Variants in DDX31 observed in about 807,000 individuals in gnomAD.
DDX31 encodes ATP-dependent DNA helicase DDX31.
Under a neutral mutation model 91.3 loss-of-function variants are expected in DDX31, and 70 were observed. The ratio of observed to expected loss-of-function variants is 0.77; its 90% CI spans 0.63 to 0.94. The LOEUF is 0.94. Ranked by LOEUF, DDX31 falls within the 40% of genes least tolerant of loss-of-function variation. The probability of loss-of-function intolerance (pLI) is 0.00; values close to 1 mark genes in which losing one functional copy is unlikely to be tolerated. For synonymous variants in DDX31, 362 were observed against 350.6 expected (o/e 1.03, Z -0.36); for missense variants, 902 against 925.0 (o/e 0.98, Z 0.32).
chr9:132,658,341 T>G, intron 6 of DDX31: 1 of 703,364 alleles, frequency 1.4e-6, no homozygotes, highest in Non-Finnish European at 2.6e-6. Context: ...CTTCGTAAAA[T>G]GTGGATAACA....
intron 1 of DDX31, chr9:132,663,160 A>T: frequency 1.6e-6 from 2 of 1,287,770 alleles, no homozygotes; most frequent in Non-Finnish European, 2.0e-6. Context: ...ACCGCACAGG[A>T]GAGAGGGGCG....
intron 18 of DDX31, among the ~76,000 whole-genome samples, chr9:132,615,386 A>T (rs1401212049): frequency 6.6e-6 from 1 of 151,928 alleles, no homozygotes; most frequent in Non-Finnish European, 1.5e-5. Context: ...CCTTCAGTAC[A>T]GAATAAAGGC....
chr9:132,667,929 G>A (rs1209591477), intron 1 of DDX31, among the ~76,000 whole-genome samples: 1 of 152,136 alleles, frequency 6.6e-6, no homozygotes, highest in African/African-American at 2.4e-5. Flanking sequence ...GTCTTCTATG[G>A]AGTAGAAATT....
At chr9:132,648,141 C>T in intron 11 of DDX31, 48 bp downstream of exon 11, 1 of 1,487,362 alleles carries the variant, frequency 6.7e-7, no homozygotes, top group Non-Finnish European at 9.2e-7. Context: ...CTAGGTCCTT[C>T]CTCTTCATTA....
intron 14 of DDX31, among the ~76,000 whole-genome samples, chr9:132,633,028 C>T (rs1408887886): frequency 6.6e-6 from 1 of 152,104 alleles, no homozygotes; most frequent in East Asian, 1.9e-4. Context: ...CACTTACTAC[C>T]CACCACACAC....
chr9:132,655,948 A>G (rs1175461503), intron 6 of DDX31, among the ~76,000 whole-genome samples: 1 of 152,244 alleles, frequency 6.6e-6, no homozygotes, highest in Non-Finnish European at 1.5e-5. Flanking sequence ...GCAGGCTAGG[A>G]ATGGTAAATA....
chr9:132,650,760 T>A (rs1407801023), intron 8 of DDX31, among the ~76,000 whole-genome samples: 1 of 152,192 alleles, frequency 6.6e-6, no homozygotes, highest in Non-Finnish European at 1.5e-5. Flanking sequence ...CTTAAACAAA[T>A]CCTACTTGCA....
In DDX31 at chr9:132,596,389, C is replaced by T. The variant is rs577549945; in HGVS notation, c.1995-1277G>A. On this transcript the variant is annotated intron_variant, in intron 19 of 19. Transcript: ENST00000372159. ...TTTTCTATTGCAACATACAGGAAGA[C>T]ACATTCAAGCCAACCTCTGCAGGAA... Among the ~76,000 whole-genome samples, 3 of 152,284 alleles carry T rather than the reference C, an allele frequency of 2.0e-5. No homozygotes were observed. In the South Asian group the frequency reaches 6.2e-4, roughly 32 times the overall value.
intron 1 of DDX31, among the ~76,000 whole-genome samples, chr9:132,667,373 G>A (rs896870256): frequency 1.3e-5 from 2 of 151,722 alleles, no homozygotes; most frequent in African/African-American, 4.8e-5. Context: ...GGCCGAGGTG[G>A]GCAGATCACA....
chr9:132,651,704 C>G (rs1055227490), intron 7 of DDX31, among the ~76,000 whole-genome samples: 37 of 152,168 alleles, frequency 2.4e-4, no homozygotes, highest in Admixed American at 2.4e-3. Context: ...CCATTAACAA[C>G]CTTCAAAAAT....
intron 18 of DDX31, among the ~76,000 whole-genome samples, chr9:132,615,520 C>G (rs764462125): frequency 6.6e-6 from 1 of 152,230 alleles, no homozygotes; most frequent in Non-Finnish European, 1.5e-5. Context: ...CTAGCTCTGA[C>G]CCCACTGAGG....
rs1246036325 is a variant in DDX31, at chr9:132,632,105, A to G, written c.1441-14T>C. ...AGCTGCAACATCCTTTAACAAAGAA[A>G]AGAATATGGTTTAACACTGAGTTTC... On this transcript the variant is annotated splice_polypyrimidine_tract_variant and intron_variant, in intron 14 of 19. Coordinates refer to ENST00000372159, the MANE Select transcript of DDX31 (RefSeq NM_022779.9). 1 of 1,611,766 alleles carries G rather than the reference A, an allele frequency of 6.2e-7. No individual in the cohort carries two copies. The highest frequency in any genetic ancestry group is 8.5e-7 in the Non-Finnish European group (1 of 1,178,648).
chr9:132,619,133 T>A (rs1448534054), intron 17 of DDX31, among the ~76,000 whole-genome samples: 1 of 152,208 alleles, frequency 6.6e-6, no homozygotes, highest in Non-Finnish European at 1.5e-5. Context: ...AGCCTACAGA[T>A]GGAAAATGTT....
intron 13 of DDX31, among the ~76,000 whole-genome samples, chr9:132,645,378 G>A (rs1430512399): frequency 3.9e-5 from 6 of 152,086 alleles, no homozygotes; most frequent in African/African-American, 7.2e-5. Flanking sequence ...TTTGGTTCAC[G>A]GTACCCTCTC....
chr9:132,611,491 C>G (rs1831336973), intron 19 of DDX31, among the ~76,000 whole-genome samples: 1 of 152,164 alleles, frequency 6.6e-6, no homozygotes, highest in Admixed American at 6.5e-5. Context: ...ACTCAGAGCC[C>G]AGCCTCGAAC....
intron 19 of DDX31, among the ~76,000 whole-genome samples, chr9:132,598,045 G>C (rs1830533506): frequency 6.6e-6 from 1 of 152,126 alleles, no homozygotes; most frequent in South Asian, 2.1e-4. Flanking sequence ...TCACTCAGAG[G>C]TTCCGGTGGT....
At chr9:132,640,978 C>T (rs148256866) in intron 14 of DDX31, among the ~76,000 whole-genome samples, 1 of 152,300 alleles carries the variant, frequency 6.6e-6, no homozygotes, top group Non-Finnish European at 1.5e-5. Context: ...ATGGTTACAG[C>T]TCTCAGGTCT....
At chr9:132,618,623 G>T (rs1442777328) in intron 17 of DDX31, among the ~76,000 whole-genome samples, 182 bp from the exon 18 acceptor site, 2 of 151,948 alleles carry the variant, frequency 1.3e-5, no homozygotes, top group East Asian at 3.8e-4. Flanking sequence ...AAGTAAGGAT[G>T]AGGGTGGCTT....
At chr9:132,596,200 T>G (rs989505387) in intron 19 of DDX31, among the ~76,000 whole-genome samples, 2 of 152,186 alleles carry the variant, frequency 1.3e-5, no homozygotes, top group Admixed American at 1.3e-4. Context: ...GTGGTCAAAA[T>G]AAATGTAACA....
Sources: gnomAD v4.1 joint callset for allele counts (sites outside exome capture counted in the v4.1 genomes callset) on GRCh38, gnomAD v4.1.1 for gene constraint, MANE v1.5 for transcripts, NCBI Gene and HGNC (gene_info 2026-07-23, HGNC 2026-07-21) for gene names.